Variants in CBFA2T2 observed in about 807,000 individuals in gnomAD.
CBFA2T2 encodes CBFA2/RUNX1 partner transcriptional co-repressor 2.
Under a neutral mutation model 62.2 loss-of-function variants are expected in CBFA2T2, and 11 were observed. The observed-to-expected ratio is 0.18, with a 90% CI of 0.11 to 0.29. CBFA2T2 has a LOEUF of 0.29. Ranked by LOEUF, CBFA2T2 falls within the 10% of genes least tolerant of loss-of-function variation. The probability of loss-of-function intolerance (pLI) is 1.00; values close to 1 mark genes in which losing one functional copy is unlikely to be tolerated. For synonymous variants in CBFA2T2, 295 were observed against 287.5 expected (o/e 1.03, Z -0.27); for missense variants, 592 against 774.1 (o/e 0.76, Z 2.79).
At chr20:33,612,268 A>G (rs894239989) in intron 3 of CBFA2T2, among the ~76,000 whole-genome samples, 4 of 152,210 alleles carry the variant, frequency 2.6e-5, no homozygotes, top group African/African-American at 9.6e-5. Context: ...AGTGTTTATA[A>G]GGGAAGTACT....
chr20:33,580,266 A>G (rs554734299), intron 1 of CBFA2T2, among the ~76,000 whole-genome samples: 1 of 152,284 alleles, frequency 6.6e-6, no homozygotes, highest in Non-Finnish European at 1.5e-5. Context: ...ATCAAAACAT[A>G]GTCATTCTGT....
chr20:33,569,451 G>T (rs2013461246), intron 1 of CBFA2T2, among the ~76,000 whole-genome samples: 1 of 152,190 alleles, frequency 6.6e-6, no homozygotes, highest in Non-Finnish European at 1.5e-5. Context: ...AAACTTAAGT[G>T]TTCCACTTTG....
intron 1 of CBFA2T2, among the ~76,000 whole-genome samples, chr20:33,549,875 T>C (rs2146883994): frequency 6.6e-6 from 1 of 151,386 alleles, no homozygotes; most frequent in Admixed American, 6.6e-5. Flanking sequence ...TTTTTTTTTT[T>C]TTTTTTCTCT....
At chr20:33,584,979 A>C (rs1307077073) in intron 1 of CBFA2T2, among the ~76,000 whole-genome samples, 1 of 152,158 alleles carries the variant, frequency 6.6e-6, no homozygotes, top group East Asian at 1.9e-4. Flanking sequence ...GTTTCCATTC[A>C]TCTCTGCAGC....
intron 1 of CBFA2T2, among the ~76,000 whole-genome samples, chr20:33,499,591 G>T (rs2011245572): frequency 6.6e-6 from 1 of 152,096 alleles, no homozygotes. Flanking sequence ...TTAGGAGTTG[G>T]GGTACCATAA....
intron 8 of CBFA2T2, among the ~76,000 whole-genome samples, chr20:33,630,116 GTTTT>G (rs1261127679): frequency 6.6e-6 from 1 of 152,048 alleles, no homozygotes; most frequent in African/African-American, 2.4e-5. Context: ...CAGGAAGGGG[GTTTT>G]TTTGTTTTGG....
At position 33,490,150 on chromosome 20, in the gene CBFA2T2, C is replaced by T. The variant is rs2011135424; in HGVS notation, c.-118C>T. On this transcript the variant is annotated 5_prime_UTR_variant, in exon 1 of 11. Coordinates refer to ENST00000342704, the MANE Select transcript of CBFA2T2 (RefSeq NM_001032999.3). ...TGGTGGTGTCTGGTTAGCTCGGCGG[C>T]TGCAGATCTCGCGGCGACGCCTGCG... The T allele has an allele frequency of 2.9e-6, 3 of 1,051,550 alleles. No individual in the cohort carries two copies. Among genetic ancestry groups the T allele is most frequent in the Non-Finnish European group, 3.6e-6 (3 of 837,704 alleles). The allele number at this position is 1,051,550 out of a possible 1,614,324, so 65.1% of individuals were successfully genotyped here.
chr20:33,497,001 C>T (rs928068878), intron 1 of CBFA2T2, among the ~76,000 whole-genome samples: 4 of 152,032 alleles, frequency 2.6e-5, no homozygotes, highest in East Asian at 1.9e-4. Context: ...CGGCCGGGTG[C>T]GGTGGCTCAT....
At chr20:33,516,090 A>G (rs2011595265) in intron 1 of CBFA2T2, among the ~76,000 whole-genome samples, 1 of 151,718 alleles carries the variant, frequency 6.6e-6, no homozygotes, top group African/African-American at 2.4e-5. Flanking sequence ...ACCTGTGATC[A>G]TGTCACTGCA....
intron 3 of CBFA2T2, among the ~76,000 whole-genome samples, chr20:33,617,766 A>G (rs1438350859): frequency 6.6e-6 from 1 of 152,212 alleles, no homozygotes; most frequent in Non-Finnish European, 1.5e-5. Flanking sequence ...TTAACTTTAA[A>G]AGAATTTTTT....
intron 1 of CBFA2T2, among the ~76,000 whole-genome samples, chr20:33,545,439 C>CTT (rs1555833708): frequency 3.4e-5 from 5 of 148,146 alleles, no homozygotes; most frequent in East Asian, 2.0e-4. Flanking sequence ...CTCTTTCTTT[C>CTT]TCTTTCTTTC....
Position 33,646,294 on chromosome 20 carries a change from C to G in CBFA2T2, c.*1648C>G, listed in dbSNP as rs1031009129. 3 of 152,240 alleles carry G rather than the reference C, an allele frequency of 2.0e-5. No homozygotes were observed. Among genetic ancestry groups the G allele is most frequent in the African/African-American group, 7.2e-5 (3 of 41,418 alleles). 9.4% of individuals were successfully genotyped at this position (152,240 alleles called of 1,614,324 possible). A position where few individuals can be genotyped will look rare whatever the true frequency, so the allele number is the denominator to read the frequency against. On this transcript the variant is annotated 3_prime_UTR_variant, in exon 11 of 11. Transcript: ENST00000342704. The stretch of plus-strand genomic sequence containing the variant: ...GGATTACAAGCGTGAGCCACCATGC[C>G]CGGCCTGTCTTTTTGGTTTTGATGG...
intron 1 of CBFA2T2, among the ~76,000 whole-genome samples, chr20:33,496,451 C>T (rs1040910713): frequency 6.6e-6 from 1 of 152,142 alleles, no homozygotes; most frequent in African/African-American, 2.4e-5. Context: ...ATTATAAACT[C>T]CTTGAGGGTT....
intron 3 of CBFA2T2, among the ~76,000 whole-genome samples, chr20:33,616,832 C>T (rs1364348516): frequency 6.6e-6 from 1 of 152,140 alleles, no homozygotes; most frequent in African/African-American, 2.4e-5. Context: ...CAGCATCTTA[C>T]CTCTCAACGT....
At chr20:33,590,364 A>G (rs2014565717) in intron 1 of CBFA2T2, among the ~76,000 whole-genome samples, 1 of 152,162 alleles carries the variant, frequency 6.6e-6, no homozygotes, top group Non-Finnish European at 1.5e-5. Flanking sequence ...TGTTGGCCCA[A>G]ACAGAGGGCT....
At chr20:33,590,313 A>C (rs1187114433) in intron 1 of CBFA2T2, among the ~76,000 whole-genome samples, 2 of 152,114 alleles carry the variant, frequency 1.3e-5, no homozygotes, top group African/African-American at 2.4e-5. Context: ...AAAATAGTTA[A>C]AAGAAACCAT....
chr20:33,508,953 A>G (rs2011454756), intron 1 of CBFA2T2, among the ~76,000 whole-genome samples: 1 of 152,222 alleles, frequency 6.6e-6, no homozygotes, highest in African/African-American at 2.4e-5. Context: ...TACTTGTTTT[A>G]AAGAAAGGAT....
chr20:33,523,200 G>A (rs139180295), intron 1 of CBFA2T2, among the ~76,000 whole-genome samples: 28 of 152,184 alleles, frequency 1.8e-4, no homozygotes, highest in African/African-American at 6.8e-4. Flanking sequence ...TTGCATTTTA[G>A]TAAGATTTCC....
intron 1 of CBFA2T2, among the ~76,000 whole-genome samples, chr20:33,598,544 G>A (rs1192289566): frequency 1.3e-5 from 2 of 152,142 alleles, no homozygotes; most frequent in Non-Finnish European, 2.9e-5. Context: ...CTGTTATCCT[G>A]TTCTTTTTTC....
Sources: allele counts gnomAD v4.1 joint callset (sites outside exome capture counted in the v4.1 genomes callset), GRCh38; gene constraint gnomAD v4.1.1; transcripts MANE v1.5; gene names NCBI Gene and HGNC (gene_info 2026-07-23, HGNC 2026-07-21).